Variants in NT5DC4 observed in about 807,000 individuals in gnomAD.
The protein encoded by NT5DC4 is 5'-nucleotidase domain containing 4.
A neutral mutation model predicts 26.6 loss-of-function variants in NT5DC4; 44 were observed. The observed-to-expected ratio is 1.65, with a 90% CI of 1.30 to 2.13. NT5DC4 has a LOEUF of 2.13. NT5DC4 is among the 30% of genes most tolerant of loss of function. The probability of loss-of-function intolerance (pLI) is 0.00; values close to 1 mark genes in which losing one functional copy is unlikely to be tolerated. For synonymous variants in NT5DC4, 157 were observed against 86.7 expected, an observed-to-expected ratio of 1.81 and a Z score of -4.51; for missense variants, 399 against 228.1, an observed-to-expected ratio of 1.75 and a Z score of -4.83.
rs1159878781 is a variant in NT5DC4 at position 112,724,994 on chromosome 2, T to G, written c.915+88T>G. On this transcript the variant is annotated intron_variant, in intron 11 of 16. Transcript: ENST00000688554. Reference sequence around the variant, plus strand: ...GACCTGCCTTTATAGCTGGCAGCTCTGCTGGCCTGTCTGTCCCTGGAGGCA... The same window carrying G: ...GACCTGCCTTTATAGCTGGCAGCTCGGCTGGCCTGTCTGTCCCTGGAGGCA... The G allele has an allele frequency of 1.2e-4, 79 of 681,872 alleles. 1 individual carries two copies. The South Asian group carries it at 1.2e-3, about 10-fold the overall frequency. 42.2% of individuals were successfully genotyped at this position (681,872 alleles called of 1,614,324 possible). A position where few individuals can be genotyped will look rare whatever the true frequency, so the allele number is the denominator to read the frequency against.
chr2:112,724,081 T>C lies in NT5DC4; in HGVS notation c.757-13T>C, dbSNP rs1356864330. 2.8e-6 allele frequency: 2 copies of C among 717,042 alleles called. No individual in the cohort carries two copies. The highest frequency in any genetic ancestry group is 5.2e-6 in the Non-Finnish European group (2 of 385,038). The allele number at this position is 717,042 out of a possible 1,614,324, so 44.4% of individuals were successfully genotyped here. ...CCAAGCTTGGTGCCCTGACGCTGCCTTGTCCTTGCCAGGCCATCATGACCT... is the reference window on the plus strand; with the variant it reads ...CCAAGCTTGGTGCCCTGACGCTGCCCTGTCCTTGCCAGGCCATCATGACCT... On this transcript the variant is annotated splice_polypyrimidine_tract_variant and intron_variant, in intron 9 of 16. Transcript: ENST00000688554.
At chr2:112,741,940 G>GTTTTTTTTTTTTT (rs57634251), downstream of NT5DC4, among the ~76,000 whole-genome samples, 1 of 71,900 alleles carries the variant, frequency 1.4e-5, no homozygotes, top group African/African-American at 5.6e-5. Context: ...TTTCTTTTCT[G>GTTTTTTTTTTTTT]TTTTTTTTTT....
At chr2:112,730,745 C>T (rs551842307) in intron 16 of NT5DC4, among the ~76,000 whole-genome samples, 1 of 152,306 alleles carries the variant, frequency 6.6e-6, no homozygotes, top group African/African-American at 2.4e-5. Context: ...TTCTTTCAAC[C>T]AGTATTTACT....
upstream of NT5DC4, among the ~76,000 whole-genome samples, chr2:112,719,961 TC>T (rs1450129529): frequency 4.8e-3 from 611 of 128,460 alleles, 7 homozygotes; most frequent in African/African-American, 6.8e-3. Context: ...TTTCTTTCTT[TC>T]TTTCTTTCTT....
At chr2:112,730,253 C>T (rs964535844) in intron 16 of NT5DC4, among the ~76,000 whole-genome samples, 5 of 122,942 alleles carry the variant, frequency 4.1e-5, no homozygotes, top group Admixed American at 1.0e-4. Context: ...GCGGAGGTTG[C>T]GGTGAGCTGA....
At chr2:112,737,789 G>C (rs1197495653) in intron 16 of NT5DC4, 1 of 151,932 alleles carries the variant, frequency 6.6e-6, no homozygotes, top group Non-Finnish European at 1.5e-5. Flanking sequence ...ACAGCCAACT[G>C]GTATATCCTT....
intron 4 of NT5DC4, 77 bp downstream of exon 4, chr2:112,722,355 G>GAGGGAGGA: frequency 1.4e-6 from 1 of 713,736 alleles, no homozygotes; most frequent in South Asian, 1.5e-5. Context: ...CAGAGGGAGG[G>GAGGGAGGA]AGGGAGGAAG....
At chr2:112,735,067 T>C (rs1282910631) in intron 16 of NT5DC4, among the ~76,000 whole-genome samples, 1 of 113,080 alleles carries the variant, frequency 8.8e-6, no homozygotes, top group Non-Finnish European at 1.8e-5. Flanking sequence ...TTTTTGAGAC[T>C]GAGTCTTGCT....
intron 7 of NT5DC4, 57 bp from the exon 8 acceptor site, chr2:112,723,361 G>GCGCACACA (rs1553432650): frequency 1.7e-5 from 11 of 638,268 alleles, no homozygotes; most frequent in South Asian, 1.1e-4. Flanking sequence ...GGGTACACAT[G>GCGCACACA]CACACACACA....
intron 10 of NT5DC4, chr2:112,724,464 G>C (rs1677413853): frequency 1.8e-6 from 1 of 569,732 alleles, no homozygotes; most frequent in African/African-American, 1.9e-5. Flanking sequence ...AGGTGTCACT[G>C]GGCAGGCAGC....
intron 16 of NT5DC4, 187 bp from the exon 17 acceptor site, chr2:112,738,726 C>T: frequency 2.6e-6 from 2 of 770,708 alleles, no homozygotes; most frequent in South Asian, 1.7e-5. Context: ...TAATCTGCAT[C>T]CATGATGCCT....
Position 112,721,060 on chromosome 2 carries a change from C to T in NT5DC4, c.-20C>T, listed in dbSNP as rs182343336. 6.6e-6 allele frequency among the ~76,000 whole-genome samples: 1 copy of T among 152,280 alleles called. No homozygotes were observed. Among genetic ancestry groups the T allele is most frequent in the African/African-American group, 2.4e-5 (1 of 41,560 alleles). On this transcript the variant is annotated 5_prime_UTR_variant, in exon 1 of 17. Transcript: ENST00000688554. ...GAGGCTGAGGAAGGGACACTTGCCT[C>T]CTCCTCACTCTGGGTGACGATGGCC... is the stretch of plus-strand genomic sequence containing the variant.
chr2:112,739,027 C>A lies in NT5DC4; in HGVS notation c.*91C>A. On this transcript the variant is annotated 3_prime_UTR_variant, in exon 17 of 17. Coordinates refer to ENST00000688554, the MANE Select transcript of NT5DC4 (RefSeq NM_001393655.1). The stretch of plus-strand genomic sequence containing the variant: ...CAGGAGTGATAAATTTCATGTCTTG[C>A]ACTTCCGGCATCCCATTTATTCTGA... 6.2e-7 allele frequency: 1 copy of A among 1,614,074 alleles called. No individual in the cohort carries two copies. The highest frequency in any genetic ancestry group is 8.5e-7 in the Non-Finnish European group (1 of 1,179,948).
intron 3 of NT5DC4, 37 bp from the exon 4 acceptor site, chr2:112,722,146 C>T (rs1293500109): frequency 3.0e-6 from 2 of 675,678 alleles, no homozygotes; most frequent in South Asian, 1.5e-5. Flanking sequence ...GGCCTTGGTA[C>T]CCCCACCCAC....
downstream of NT5DC4, chr2:112,742,511 G>A (rs1680043959): frequency 7.0e-6 from 5 of 718,024 alleles, no homozygotes; most frequent in Non-Finnish European, 1.3e-5. Flanking sequence ...CCTTTGTTCA[G>A]TATTGAGTAG....
chr2:112,734,200 T>TGTGTGG (rs1678810649), intron 16 of NT5DC4, among the ~76,000 whole-genome samples: 1 of 151,970 alleles, frequency 6.6e-6, no homozygotes, highest in Non-Finnish European at 1.5e-5. Flanking sequence ...TGTGTGTGTG[T>TGTGTGG]GTACATTAGT....
At chr2:112,724,648 G>A in intron 10 of NT5DC4, 133 bp from the exon 11 acceptor site, 1 of 627,020 alleles carries the variant, frequency 1.6e-6, no homozygotes, top group Non-Finnish European at 2.9e-6. Flanking sequence ...AGCGAGACCG[G>A]GTTCCCAGGG....
At chr2:112,737,281 T>G (rs1264271870) in intron 16 of NT5DC4, 1 of 152,178 alleles carries the variant, frequency 6.6e-6, no homozygotes. Flanking sequence ...AGTTCTATTT[T>G]TAATTTCTTT....
At chr2:112,728,455 G>A (rs1269273160) in intron 15 of NT5DC4, among the ~76,000 whole-genome samples, 3 of 152,194 alleles carry the variant, frequency 2.0e-5, no homozygotes, top group Non-Finnish European at 4.4e-5. Flanking sequence ...GCAAGGGTTA[G>A]TAGGAGTCAT....
Sources: gnomAD v4.1 joint callset for allele counts (sites outside exome capture counted in the v4.1 genomes callset) on GRCh38, gnomAD v4.1.1 for gene constraint, MANE v1.5 for transcripts, NCBI Gene and HGNC (gene_info 2026-07-23, HGNC 2026-07-21) for gene names.